The following PPP1R12A variants were observed in gnomAD, a reference collection of about 807,000 sequenced individuals.
The protein encoded by PPP1R12A is myosin binding subunit.
Under a neutral mutation model 139.6 loss-of-function variants are expected in PPP1R12A, and 19 were observed. The observed-to-expected ratio is 0.14, with a 90% CI of 0.09 to 0.20. The LOEUF (loss-of-function observed/expected upper bound fraction) is 0.20. Ranked by LOEUF, PPP1R12A falls within the 10% of genes least tolerant of loss-of-function variation. The pLI is 1.00. For missense variants in PPP1R12A, 925 were observed against 1,211.5 expected (o/e 0.76, Z 3.51); for synonymous variants, 427 against 420.6 (o/e 1.02, Z -0.19).
intron 20 of PPP1R12A, among the ~76,000 whole-genome samples, chr12:79,789,992 G>C (rs1871626791): frequency 1.3e-5 from 2 of 149,716 alleles, no homozygotes; most frequent in South Asian, 4.2e-4. Context: ...TCTTGATGTT[G>C]TCCATGCTGG....
At chr12:79,908,404 G>A (rs1394595015) in intron 1 of PPP1R12A, among the ~76,000 whole-genome samples, 1 of 152,110 alleles carries the variant, frequency 6.6e-6, no homozygotes, top group East Asian at 1.9e-4. Context: ...AAATGCCTTT[G>A]AATTTTTTGC....
intron 24 of PPP1R12A, among the ~76,000 whole-genome samples, chr12:79,776,335 T>C (rs758969383): frequency 6.6e-6 from 1 of 152,114 alleles, no homozygotes; most frequent in Admixed American, 6.5e-5. Flanking sequence ...TTTGTTAGGA[T>C]AGGCTCTTAA....
At chr12:79,869,694 G>A (rs3860252) in intron 2 of PPP1R12A, among the ~76,000 whole-genome samples, 119,453 of 152,024 alleles carry the variant, frequency 0.79, 49,439 homozygotes, top group Non-Finnish European at 0.92. Context: ...GAAGTGGAAT[G>A]CAATATGAGA....
At chr12:79,838,506 C>T (rs917851812) in intron 3 of PPP1R12A, among the ~76,000 whole-genome samples, 14 of 152,228 alleles carry the variant, frequency 9.2e-5, no homozygotes, top group Admixed American at 2.6e-4. Flanking sequence ...TTCAAGGCAG[C>T]CCTTCCCATC....
rs12833727 is a variant in PPP1R12A, at chr12:79,773,581, C to T, written c.*2348G>A. ...CTAGTTCTCAGATTCTGCATACAGA[C>T]AGCTTTATGTAAAATATATAAACAT... On this transcript the variant is annotated 3_prime_UTR_variant, in exon 25 of 25. Transcript: ENST00000450142. The T allele has an allele frequency of 6.6e-6, 1 of 152,024 alleles. No individual in the cohort carries two copies. Among genetic ancestry groups the T allele is most frequent in the African/African-American group, 2.4e-5 (1 of 41,354 alleles). 9.4% of individuals were successfully genotyped at this position (152,024 alleles called of 1,614,324 possible).
At chr12:79,790,446 T>TA (rs1271756483) in intron 20 of PPP1R12A, 21 bp downstream of exon 20, 1 of 1,300,162 alleles carries the variant, frequency 7.7e-7, no homozygotes, top group African/African-American at 1.5e-5. Context: ...AAATGTCAGT[T>TA]AAAAAATAAA....
intron 2 of PPP1R12A, among the ~76,000 whole-genome samples, chr12:79,847,309 C>T (rs1006294321): frequency 6.6e-6 from 1 of 152,092 alleles, no homozygotes; most frequent in Non-Finnish European, 1.5e-5. Flanking sequence ...CTGGTTCATA[C>T]CTTCATTTAA....
chr12:79,792,379 T>G (rs1871989197), intron 19 of PPP1R12A, among the ~76,000 whole-genome samples: 1 of 152,188 alleles, frequency 6.6e-6, no homozygotes, highest in Non-Finnish European at 1.5e-5. Flanking sequence ...AGCCTGAGGA[T>G]GAAGCTGACA....
chr12:79,859,327 ACT>A (rs1283649247), intron 2 of PPP1R12A, among the ~76,000 whole-genome samples: 3 of 147,732 alleles, frequency 2.0e-5, no homozygotes, highest in Admixed American at 1.4e-4. Context: ...ACAGGGTGAG[ACT>A]CTGTCTTTAA....
chr12:79,924,429 A>C (rs1277052383), intron 1 of PPP1R12A, among the ~76,000 whole-genome samples: 1 of 152,124 alleles, frequency 6.6e-6, no homozygotes, highest in Admixed American at 6.6e-5. Flanking sequence ...GCAGCATCAC[A>C]ACCTTTTTTT....
intron 1 of PPP1R12A, among the ~76,000 whole-genome samples, chr12:79,899,029 T>C (rs949073423): frequency 6.6e-6 from 1 of 152,132 alleles, no homozygotes; most frequent in African/African-American, 2.4e-5. Flanking sequence ...ACTATTAATA[T>C]GCTACTACTT....
chr12:79,778,658 T>C (rs1870037837), intron 23 of PPP1R12A, 58 bp from the exon 24 acceptor site: 4 of 1,166,848 alleles, frequency 3.4e-6, no homozygotes, highest in Non-Finnish European at 4.7e-6. Context: ...TTAAGTCTTC[T>C]TCTATACTGT....
intron 5 of PPP1R12A, 158 bp downstream of exon 5, chr12:79,828,162 T>TTAG: frequency 1.7e-6 from 1 of 579,252 alleles, no homozygotes; most frequent in African/African-American, 1.9e-5. Context: ...AAACCATTAA[T>TTAG]TAGTAAGTCA....
At chr12:79,834,229 TA>T (rs1264030982) in intron 3 of PPP1R12A, among the ~76,000 whole-genome samples, 1 of 152,120 alleles carries the variant, frequency 6.6e-6, no homozygotes, top group African/African-American at 2.4e-5. Context: ...TTACAAGAAA[TA>T]AAGTGAGTGA....
upstream of PPP1R12A, chr12:79,935,139 A>G (rs1229286911): frequency 1.0e-5 from 14 of 1,340,964 alleles, no homozygotes; most frequent in Non-Finnish European, 1.2e-5. Context: ...TTCCTACCAC[A>G]GAAGCCCTCC....
intron 3 of PPP1R12A, among the ~76,000 whole-genome samples, chr12:79,837,072 G>C (rs900230686): frequency 1.3e-5 from 2 of 152,112 alleles, no homozygotes; most frequent in African/African-American, 2.4e-5. Context: ...AAAAGTCTAT[G>C]ATTCTGCTTC....
chr12:79,899,277 TATATA>T (rs1885425114), intron 1 of PPP1R12A, among the ~76,000 whole-genome samples: 1 of 71,562 alleles, frequency 1.4e-5, no homozygotes, highest in African/African-American at 4.3e-5. Context: ...TATATATATA[TATATA>T]TTCACTGTCT....
chr12:79,886,377 G>C (rs1884105694), intron 1 of PPP1R12A, among the ~76,000 whole-genome samples: 1 of 152,140 alleles, frequency 6.6e-6, no homozygotes. Flanking sequence ...GTCCAGCATT[G>C]CATTTAAATT....
At chr12:79,882,279 A>G (rs981292362) in intron 1 of PPP1R12A, among the ~76,000 whole-genome samples, 2 of 152,242 alleles carry the variant, frequency 1.3e-5, no homozygotes, top group African/African-American at 4.8e-5. Context: ...ACTATTCTAC[A>G]TGCTATTAAG....
Sources: gnomAD v4.1 joint callset for allele counts (sites outside exome capture counted in the v4.1 genomes callset) on GRCh38, gnomAD v4.1.1 for gene constraint, MANE v1.5 for transcripts, NCBI Gene and HGNC (gene_info 2026-07-23, HGNC 2026-07-21) for gene names.